Variants in NTM observed in about 807,000 individuals in gnomAD.
NTM encodes IgLON family member 2.
NTM carries 13 observed loss-of-function variants against 42.1 expected under a neutral mutation model. The ratio of observed to expected loss-of-function variants is 0.31; its 90% CI spans 0.20 to 0.49. NTM has a LOEUF of 0.49. Among genes scored for constraint, NTM ranks in the 20% least tolerant of loss-of-function variants. The pLI is 0.99. For synonymous variants in NTM, 187 were observed against 179.2 expected (o/e 1.04, Z -0.35); for missense variants, 373 against 452.8 (o/e 0.82, Z 1.60).
rs150864141 is a variant in NTM, at chr11:131,731,678, G to A, written c.83-179886G>A. ...AGTGGAAGCAGTCAGAGCAAAACTG[G>A]CCTGAACATTGGCTGCAAAGCTTCC... On this transcript the variant is annotated intron_variant, in intron 1 of 8. Coordinates refer to ENST00000683400, the MANE Select transcript of NTM (RefSeq NM_001352005.2). Among the ~76,000 whole-genome samples the A allele has an allele frequency of 5.3e-5, 8 of 152,228 alleles. No homozygotes were observed. The East Asian group carries it at 1.5e-3, about 29-fold the overall frequency.
chr11:131,386,565 G>A (rs1414193806), intron 1 of NTM, among the ~76,000 whole-genome samples: 1 of 152,248 alleles, frequency 6.6e-6, no homozygotes, highest in Admixed American at 6.5e-5. Context: ...TTGGTGGCAG[G>A]AAGTTAAAGG....
chr11:131,853,998 T>C (rs571646751), intron 1 of NTM, among the ~76,000 whole-genome samples: 1 of 152,370 alleles, frequency 6.6e-6, no homozygotes, highest in African/African-American at 2.4e-5. Flanking sequence ...ATACAGATTA[T>C]ACATTAGAAG....
At chr11:132,025,041 T>G (rs1185630732) in intron 2 of NTM, among the ~76,000 whole-genome samples, 5 of 152,232 alleles carry the variant, frequency 3.3e-5, no homozygotes. Context: ...GAGACTCCTG[T>G]GTCTGAATTC....
intron 1 of NTM, among the ~76,000 whole-genome samples, chr11:131,867,738 CTG>C (rs1343316816): frequency 6.6e-6 from 1 of 152,158 alleles, no homozygotes; most frequent in East Asian, 1.9e-4. Context: ...GTAAATGTGT[CTG>C]TGTGTATGTA....
At chr11:131,594,679 C>T (rs1374295739) in intron 1 of NTM, among the ~76,000 whole-genome samples, 1 of 152,180 alleles carries the variant, frequency 6.6e-6, no homozygotes, top group Non-Finnish European at 1.5e-5. Context: ...GATTTATAGG[C>T]ATGAGCCACC....
intron 1 of NTM, among the ~76,000 whole-genome samples, chr11:131,443,218 T>A (rs1949767099): frequency 6.6e-6 from 1 of 152,142 alleles, no homozygotes. Context: ...TTATAAGTGG[T>A]AGAGCACTGG....
chr11:131,578,344 C>G (rs2058107863), intron 1 of NTM, among the ~76,000 whole-genome samples: 1 of 152,176 alleles, frequency 6.6e-6, no homozygotes, highest in South Asian at 2.1e-4. Flanking sequence ...TATGATCTAT[C>G]TAACGGCAGG....
chr11:132,223,932 C>G (rs1165896229), intron 4 of NTM, among the ~76,000 whole-genome samples: 1 of 152,164 alleles, frequency 6.6e-6, no homozygotes, highest in Non-Finnish European at 1.5e-5. Flanking sequence ...GCGTTGCAGT[C>G]ACCCCAGATA....
chr11:132,156,068 G>A (rs559736647), intron 3 of NTM, among the ~76,000 whole-genome samples: 2 of 152,138 alleles, frequency 1.3e-5, no homozygotes, highest in African/African-American at 4.8e-5. Flanking sequence ...TGAAAATAGC[G>A]ATTCTGCCAC....
At chr11:132,272,165 C>CA (rs1474971304) in intron 4 of NTM, among the ~76,000 whole-genome samples, 16 of 152,156 alleles carry the variant, frequency 1.1e-4, no homozygotes, top group African/African-American at 3.9e-4. Context: ...ATACCCTTGC[C>CA]AAAAATCATT....
At chr11:132,168,754 G>A (rs1029881397) in intron 3 of NTM, among the ~76,000 whole-genome samples, 4 of 152,030 alleles carry the variant, frequency 2.6e-5, no homozygotes, top group African/African-American at 9.7e-5. Flanking sequence ...AGCTCTCCTG[G>A]GGAATCTTTA....
At chr11:132,092,377 T>G (rs1046274075) in intron 2 of NTM, among the ~76,000 whole-genome samples, 4 of 152,168 alleles carry the variant, frequency 2.6e-5, no homozygotes, top group Admixed American at 6.5e-5. Flanking sequence ...CTCACCAAGA[T>G]GACCACTGGC....
At chr11:131,811,176 C>T (rs1337131276) in intron 1 of NTM, among the ~76,000 whole-genome samples, 1 of 152,076 alleles carries the variant, frequency 6.6e-6, no homozygotes, top group Non-Finnish European at 1.5e-5. Flanking sequence ...GGCCAGTATC[C>T]ACTACTGGGA....
chr11:131,944,272 T>C (rs1201272652), intron 2 of NTM, among the ~76,000 whole-genome samples: 1 of 152,226 alleles, frequency 6.6e-6, no homozygotes, highest in African/African-American at 2.4e-5. Context: ...TAGTGAGTTA[T>C]GTGCTGGGCT....
rs2079189102 is a variant in NTM, at chr11:132,053,782, C to A, written c.168-92500C>A. The stretch of plus-strand genomic sequence containing the variant: ...TCCAGGTGTTTTCTAAAGCAGAAGG[C>A]ACTTAATGTAGGTTCTTTATTTTTT... On this transcript the variant is annotated intron_variant, in intron 2 of 8. Coordinates refer to ENST00000683400, the MANE Select transcript of NTM (RefSeq NM_001352005.2). Among the ~76,000 whole-genome samples the A allele has an allele frequency of 2.0e-5, 3 of 152,324 alleles. No individual in the cohort carries two copies. The South Asian group carries it at 6.2e-4, about 32-fold the overall frequency.
intron 1 of NTM, among the ~76,000 whole-genome samples, chr11:131,389,279 G>A (rs889547643): frequency 5.9e-5 from 9 of 152,190 alleles, no homozygotes; most frequent in Admixed American, 2.6e-4. Flanking sequence ...CAGAGGGTGG[G>A]ACCTTGATGC....
chr11:132,239,352 C>T (rs956930672), intron 4 of NTM, among the ~76,000 whole-genome samples: 1 of 152,230 alleles, frequency 6.6e-6, no homozygotes, highest in Non-Finnish European at 1.5e-5. Flanking sequence ...TTTCTCTGCA[C>T]AGCCTAAATG....
rs551510383 is a variant in NTM at position 131,875,841 on chromosome 11, A to G, written c.83-35723A>G. ...CTTTGTCCTTTGTTTATTCTCGATT[A>G]CTCCCTTTAGTGGAAGGCTTTCCAA... is the stretch of plus-strand genomic sequence containing the variant. On this transcript the variant is annotated intron_variant, in intron 1 of 8. Transcript: ENST00000683400. 6.3e-4 allele frequency among the ~76,000 whole-genome samples: 95 copies of G among 151,966 alleles called. 1 individual carries two copies. Among genetic ancestry groups the G allele is most frequent in the African/African-American group, 2.2e-3 (92 of 41,456 alleles).
chr11:132,146,584 C>A lies in NTM; in HGVS notation c.400+70C>A. The A allele has an allele frequency of 1.3e-6, 2 of 1,498,484 alleles. No individual in the cohort carries two copies. Among genetic ancestry groups the A allele is most frequent in the Admixed American group, 1.8e-5 (1 of 54,204 alleles). The allele number at this position is 1,498,484 out of a possible 1,614,324, so 92.8% of individuals were successfully genotyped here. A position where few individuals can be genotyped will look rare whatever the true frequency, so the allele number is the denominator to read the frequency against. On this transcript the variant is annotated intron_variant, in intron 3 of 8. Transcript: ENST00000683400. This position sits in a 1 kb window ranked among gnomAD's most constrained non-coding sequence, Gnocchi z 4.5. ...GAAAGCCTTCAGGTAAAGGTTTGTT[C>A]TCTGATCCTCAACAGAGATGAGTTA...
Sources: allele counts gnomAD v4.1 joint callset (sites outside exome capture counted in the v4.1 genomes callset), GRCh38; gene constraint gnomAD v4.1.1; non-coding constraint Gnocchi (gnomAD v3.1); transcripts MANE v1.5; gene names NCBI Gene and HGNC (gene_info 2026-07-23, HGNC 2026-07-21).